Variants in PSMD2 observed in about 807,000 individuals in gnomAD.
PSMD2 encodes proteasome 26S subunit ubiquitin receptor, non-ATPase 2, also known as 26S proteasome non-ATPase regulatory subunit 2.
PSMD2 carries 8 observed loss-of-function variants against 101.5 expected under a neutral mutation model. That is an observed-to-expected ratio of 0.08 (90% confidence interval 0.05 to 0.14). The LOEUF is 0.14. PSMD2 is among the 10% of genes least tolerant of loss of function. PSMD2 has a pLI of 1.00. For synonymous variants in PSMD2, 418 were observed against 433.8 expected (o/e 0.96, Z 0.45); for missense variants, 784 against 1,147.4 (o/e 0.68, Z 4.58).
chr3:184,305,976 T>G (rs1248467255), intron 13 of PSMD2, 46 bp downstream of exon 13: 4 of 1,613,580 alleles, frequency 2.5e-6, no homozygotes, highest in Non-Finnish European at 3.4e-6. Context: ...AGTAACTGGA[T>G]ACAACAGGGA....
Position 184,306,313 on chromosome 3 carries a change from T to A in PSMD2, c.1805-37T>A, listed in dbSNP as rs113370355. 20 of 1,606,380 alleles carry A rather than the reference T, an allele frequency of 1.2e-5. 1 individual carries two copies. In the African/African-American group the frequency reaches 1.3e-4, roughly 11 times the overall value. On this transcript the variant is annotated intron_variant, in intron 14 of 20. Coordinates refer to ENST00000310118, the MANE Select transcript of PSMD2 (RefSeq NM_002808.5). ...TCCAAAGCTTTTCCTTGGTAACTTCTCATTTCTGTCCATTCTCCCTCACCA... is the reference window on the plus strand; with the variant it reads ...TCCAAAGCTTTTCCTTGGTAACTTCACATTTCTGTCCATTCTCCCTCACCA...
Position 184,302,780 on chromosome 3 carries a change from C to G in PSMD2, c.965C>G (p.Ser322Cys), listed in dbSNP as rs771770952. Residue 322 changes from serine (S) to cysteine (C), a missense_variant, in exon 7 of 21, where the codon TCC (serine) becomes TGC (cysteine). By Grantham distance (112) the Ser-to-Cys change is moderately radical. Coordinates refer to ENST00000310118, the MANE Select transcript of PSMD2 (RefSeq NM_002808.5). ...EEYEDLTEIM[S>C]NVQLNSNFLA... ...TATGAGGACCTGACAGAGATCATGT[C>G]CAATGTACAGCTCAACAGCAACTTC... The G allele has an allele frequency of 4.3e-6, 7 of 1,614,140 alleles. No individual in the cohort carries two copies. The highest frequency in any genetic ancestry group is 1.7e-5 in the Admixed American group (1 of 60,010).
rs1721673259 is a variant in PSMD2 at position 184,302,296 on chromosome 3, T to C, written c.705-74T>C. 3 of 1,389,722 alleles carry C rather than the reference T, an allele frequency of 2.2e-6. No homozygotes were observed. In the East Asian group the frequency reaches 7.4e-5, roughly 34 times the overall value. The allele number at this position is 1,389,722 out of a possible 1,614,324, so 86.1% of individuals were successfully genotyped here. On this transcript the variant is annotated intron_variant, in intron 5 of 20. Coordinates refer to ENST00000310118, the MANE Select transcript of PSMD2 (RefSeq NM_002808.5). ...TATATAGTAGATATTTATTATTTAT[T>C]TTGGGTAAGTGAATTCATGGGGAAA...
chr3:184,305,404 G>A (rs1253955530), intron 12 of PSMD2, among the ~76,000 whole-genome samples: 2 of 151,502 alleles, frequency 1.3e-5, no homozygotes, highest in Admixed American at 6.6e-5. Context: ...CAGGAGAATC[G>A]CTCGAACCCA....
At position 184,302,707 on chromosome 3, in the gene PSMD2, C is replaced by G. The variant is rs148168433; in HGVS notation, c.892C>G (p.Leu298Val). Residue 298 changes from leucine (L) to valine (V), a missense_variant, in exon 7 of 21, where the codon CTA becomes GTA. Physicochemically the swap from Leu to Val is conservative, Grantham distance 32. This residue lies in a region of PSMD2 where 208 missense variants were observed against 301.6 expected (regional missense o/e 0.69). Transcript: ENST00000310118. ...AGTACAGAAACAGATGGCATTCATG[C>G]TAGGCCGGCATGGGGTGTTCCTGGA... ...VVVQKQMAFM[L>V]GRHGVFLELS... 6.2e-7 allele frequency: 1 copy of G among 1,613,974 alleles called. No homozygotes were observed. Among genetic ancestry groups the G allele is most frequent in the Admixed American group, 1.7e-5 (1 of 59,990 alleles).
Position 184,304,537 on chromosome 3 carries a change from C to G in PSMD2, c.1539+146C>G. ...TGGTGTGTATTGAGGGGCGTCACCT[C>G]AGTGAAACCCCTTGATCTGGGATTC... On this transcript the variant is annotated intron_variant, in intron 12 of 20. Coordinates refer to ENST00000310118, the MANE Select transcript of PSMD2 (RefSeq NM_002808.5). This position sits in a 1 kb window ranked among gnomAD's most constrained non-coding sequence, Gnocchi z 4.1. 2 of 781,490 alleles carry G rather than the reference C, an allele frequency of 2.6e-6. No individual in the cohort carries two copies. The highest frequency in any genetic ancestry group is 4.2e-6 in the Non-Finnish European group (2 of 473,324). 48.4% of individuals were successfully genotyped at this position (781,490 alleles called of 1,614,324 possible).
In PSMD2 at chr3:184,300,401, A is replaced by G. The variant is rs1352216468; in HGVS notation, c.314A>G (p.Lys105Arg). The change falls in exon 3 of 21, where the codon AAA becomes AGA. Residue 105 changes from lysine (K) to arginine (R), a missense_variant. Coordinates refer to ENST00000310118, the MANE Select transcript of PSMD2 (RefSeq NM_002808.5). The part of the protein sequence containing the change: ...PLKFLRPHYG[K>R]LKEIYENMAP... ...AAATTTCTGCGTCCACACTATGGCAAACTGAAGGAAATCTATGAGAACATG... is the reference window on the plus strand; with the variant it reads ...AAATTTCTGCGTCCACACTATGGCAGACTGAAGGAAATCTATGAGAACATG... 1 of 1,614,012 alleles carries G rather than the reference A, an allele frequency of 6.2e-7. No individual in the cohort carries two copies. The highest frequency in any genetic ancestry group is 1.3e-5 in the African/African-American group (1 of 74,928).
In PSMD2 at chr3:184,308,115, G is replaced by C; in HGVS notation, c.2425+99G>C. ...AATTTAGGTTCAAGACCCCAGTTTA[G>C]CTCTGTATCGCTCTAGGTTTCTGAG... On this transcript the variant is annotated intron_variant, in intron 19 of 20. Transcript: ENST00000310118. The surrounding 1 kb of genome is among the most constrained non-coding windows in gnomAD (Gnocchi z 6.0). The C allele has an allele frequency of 1.4e-6, 2 of 1,434,968 alleles. No homozygotes were observed. Among genetic ancestry groups the C allele is most frequent in the South Asian group, 2.6e-5 (2 of 76,164 alleles). The allele number at this position is 1,434,968 out of a possible 1,614,324, so 88.9% of individuals were successfully genotyped here. A position where few individuals can be genotyped will look rare whatever the true frequency, so the allele number is the denominator to read the frequency against.
At chr3:184,307,753 G>C (rs1425387524) in intron 18 of PSMD2, 45 bp downstream of exon 18, 1 of 1,607,146 alleles carries the variant, frequency 6.2e-7, no homozygotes. Context: ...GGAAGTATCT[G>C]TGGTGATGGA....
intron 18 of PSMD2, 26 bp from the exon 19 acceptor site, chr3:184,307,864 C>T: frequency 6.2e-7 from 1 of 1,613,884 alleles, no homozygotes. Context: ...TAACTCCTCA[C>T]CTCTACTTCC....
In PSMD2 at chr3:184,303,479, T is replaced by TC; in HGVS notation, c.1216+15dup. 6.2e-7 allele frequency: 1 copy of TC among 1,612,830 alleles called. No individual in the cohort carries two copies. The highest frequency in any genetic ancestry group is 1.1e-5 in the South Asian group (1 of 90,900). ...AACAAGGACCACGGTATAATTCTGTTCCTGCTTTGTCTTTTGTTTTGCTTT... is the reference window on the plus strand; with the variant it reads ...AACAAGGACCACGGTATAATTCTGTTCCCTGCTTTGTCTTTTGTTTTGCTTT... On this transcript the variant is annotated intron_variant, in intron 9 of 20. Coordinates refer to ENST00000310118, the MANE Select transcript of PSMD2 (RefSeq NM_002808.5).
chr3:184,304,486 ATGTG>A lies in PSMD2; in HGVS notation c.1539+98_1539+101del. 15 of 1,263,068 alleles carry A rather than the reference ATGTG, an allele frequency of 1.2e-5. No individual in the cohort carries two copies. The highest frequency in any genetic ancestry group is 1.6e-5 in the Non-Finnish European group (14 of 878,794). The allele number at this position is 1,263,068 out of a possible 1,614,324, so 78.2% of individuals were successfully genotyped here. On this transcript the variant is annotated intron_variant, in intron 12 of 20. Coordinates refer to ENST00000310118, the MANE Select transcript of PSMD2 (RefSeq NM_002808.5). The surrounding 1 kb of genome is among the most constrained non-coding windows in gnomAD (Gnocchi z 4.1). ...TAATGAAAAAGAAGTAAGTGTGTGC[ATGTG>A]TGCATACATGTACATGCCTGTTGGT...
In PSMD2 at chr3:184,308,934, G is replaced by GA. The variant is rs1332949919; in HGVS notation, c.*44_*45insA. Reference sequence around the variant, plus strand: ...GAACTGCAGCTGATGTTATCAGCAGGCCATGCATCCTGCTGCCAAGGGTGG... The same window carrying GA: ...GAACTGCAGCTGATGTTATCAGCAGGACCATGCATCCTGCTGCCAAGGGTGG... On this transcript the variant is annotated 3_prime_UTR_variant, in exon 21 of 21. Transcript: ENST00000310118. This position sits in a 1 kb window ranked among gnomAD's most constrained non-coding sequence, Gnocchi z 6.0. The GA allele has an allele frequency of 6.4e-7, 1 of 1,568,772 alleles. No homozygotes were observed. Among genetic ancestry groups the GA allele is most frequent in the Non-Finnish European group, 8.7e-7 (1 of 1,150,026 alleles).
At chr3:184,306,203 CTTCT>C in intron 14 of PSMD2, 48 bp downstream of exon 14, 1 of 1,603,740 alleles carries the variant, frequency 6.2e-7, no homozygotes, top group Non-Finnish European at 8.5e-7. Flanking sequence ...TGACTCCTCA[CTTCT>C]TTCTTGGTCC....
Position 184,309,026 on chromosome 3 carries a change from G to A in PSMD2, c.*136G>A, listed in dbSNP as rs1321724634. ...TTTTGTTACTGAGTGAGATAAGGTT[G>A]TTCAATAAAGACTTTTATCCCCAAG... On this transcript the variant is annotated 3_prime_UTR_variant, in exon 21 of 21. Coordinates refer to ENST00000310118, the MANE Select transcript of PSMD2 (RefSeq NM_002808.5). 3 of 920,996 alleles carry A rather than the reference G, an allele frequency of 3.3e-6. No individual in the cohort carries two copies. Among genetic ancestry groups the A allele is most frequent in the Non-Finnish European group, 4.9e-6 (3 of 610,888 alleles). 57.1% of individuals were successfully genotyped at this position (920,996 alleles called of 1,614,324 possible).
intron 18 of PSMD2, 28 bp from the exon 19 acceptor site, chr3:184,307,862 C>T: frequency 1.2e-6 from 2 of 1,613,880 alleles, no homozygotes; most frequent in South Asian, 2.2e-5. Context: ...GGTAACTCCT[C>T]ACCTCTACTT....
Position 184,299,392 on chromosome 3 carries a change from A to G in PSMD2, c.126A>G (p.Glu42=). 1 of 1,388,884 alleles carries G rather than the reference A, an allele frequency of 7.2e-7. No homozygotes were observed. The highest frequency in any genetic ancestry group is 3.4e-5 in the Admixed American group (1 of 29,564). 86.0% of individuals were successfully genotyped at this position (1,388,884 alleles called of 1,614,324 possible). A position where few individuals can be genotyped will look rare whatever the true frequency, so the allele number is the denominator to read the frequency against. ...ERRDAGDKDK[E]QELSEEDKQL... is the part of the protein sequence containing the mutation. ...GGGATGCCGGGGACAAGGACAAAGA[A>G]CAGGAGCTGGTGAGGCGCGACCCCG... The change falls in exon 1 of 21, where the codon GAA becomes GAG. Residue 42 remains glutamate, a synonymous_variant. Transcript: ENST00000310118.
chr3:184,299,782 C>A, intron 1 of PSMD2, 69 bp from the exon 2 acceptor site: 1 of 1,329,120 alleles, frequency 7.5e-7, no homozygotes, highest in South Asian at 1.2e-5. Flanking sequence ...TTCACCTGCC[C>A]CGGGTAAGTG....
rs1349029763 is a variant in PSMD2 at position 184,305,887 on chromosome 3, T to G, written c.1659T>G (p.Thr553=). The stretch of plus-strand genomic sequence containing the variant: ...AGTCAGAGACTGAGCTCAAGGATAC[T>G]TATGCTCGTTGGCTTCCTCTTGGAC... ...MEKSETELKD[T]YARWLPLGLG... The change falls in exon 13 of 21, where the codon ACT becomes ACG. Residue 553 remains threonine (T), a synonymous_variant. Coordinates refer to ENST00000310118, the MANE Select transcript of PSMD2 (RefSeq NM_002808.5). 6.2e-7 allele frequency: 1 copy of G among 1,614,198 alleles called. No homozygotes were observed. Among genetic ancestry groups the G allele is most frequent in the Non-Finnish European group, 8.5e-7 (1 of 1,180,032 alleles).
Sources: allele counts gnomAD v4.1 joint callset (sites outside exome capture counted in the v4.1 genomes callset), GRCh38; gene constraint gnomAD v4.1.1; regional missense constraint gnomAD v4.1.1; non-coding constraint Gnocchi (gnomAD v3.1); transcripts MANE v1.5; gene names NCBI Gene and HGNC (gene_info 2026-07-23, HGNC 2026-07-21).